PCDHA5: variants seen among roughly 807,000 people sequenced by gnomAD.
PCDHA5 encodes the protein protocadherin alpha-5.
A neutral mutation model predicts 61.6 loss-of-function variants in PCDHA5; 43 were observed. That is an observed-to-expected ratio of 0.70 (90% CI 0.55 to 0.90). The LOEUF is 0.90. PCDHA5 is among the 40% of genes least tolerant of loss of function. The pLI, the probability that PCDHA5 is intolerant of heterozygous loss-of-function variation, is 0.00. For missense variants in PCDHA5, 1,298 were observed against 1,222.7 expected, an observed-to-expected ratio of 1.06 and a Z score of -0.92; for synonymous variants, 627 against 543.9, an observed-to-expected ratio of 1.15 and a Z score of -2.13.
chr5:140,823,034 A>T lies in PCDHA5; in HGVS notation c.1259A>T (p.Tyr420Phe), dbSNP rs199730763. 3.0e-5 allele frequency: 48 copies of T among 1,614,070 alleles called. No homozygotes were observed. The highest frequency in any genetic ancestry group is 8.5e-7 in the Non-Finnish European group (1 of 1,180,050). ...SALDRESVSVYELVVTARDGG... is the reference protein window; with the variant it reads ...SALDRESVSVFELVVTARDGG... ...CTGGACCGCGAGAGCGTGTCGGTCT[A>T]TGAGCTGGTGGTGACCGCGCGGGAC... is the stretch of plus-strand genomic sequence containing the variant. The change falls in exon 1 of 4, where the codon TAT (tyrosine) becomes TTT (phenylalanine). Residue 420 changes from tyrosine to phenylalanine, a missense_variant. Coordinates refer to ENST00000529859, the MANE Select transcript of PCDHA5 (RefSeq NM_018908.3).
chr5:140,843,248 C>G, intron 1 of PCDHA5: 1 of 1,596,046 alleles, frequency 6.3e-7, no homozygotes, highest in Non-Finnish European at 8.6e-7. Context: ...AGCGGACTCT[C>G]CGCGCCACCG....
At chr5:140,906,693 G>T (rs887867103) in intron 1 of PCDHA5, among the ~76,000 whole-genome samples, 3 of 152,082 alleles carry the variant, frequency 2.0e-5, no homozygotes, top group African/African-American at 7.2e-5. Flanking sequence ...GAAGGATCTG[G>T]GCCATTTGTA....
intron 1 of PCDHA5, chr5:140,871,303 G>T: frequency 6.2e-7 from 1 of 1,613,972 alleles, no homozygotes; most frequent in Non-Finnish European, 8.5e-7. Flanking sequence ...GTGCGCGCCG[G>T]GGAAGCCCAC....
In PCDHA5 at chr5:141,002,410, T is replaced by C. The variant is rs1034024595; in HGVS notation, c.2501-7217T>C. 2.2e-4 allele frequency among the ~76,000 whole-genome samples: 33 copies of C among 152,326 alleles called. 1 individual carries two copies. The highest frequency in any genetic ancestry group is 7.5e-4 in the African/African-American group (31 of 41,578). On this transcript the variant is annotated intron_variant, in intron 3 of 3. Coordinates refer to ENST00000529859, the MANE Select transcript of PCDHA5 (RefSeq NM_018908.3). The stretch of plus-strand genomic sequence containing the variant: ...TGCTGGCATCTCTGTGCCTCCCAAA[T>C]AGTAGTAACAAAACAGGCAATAACC...
At chr5:140,965,103 A>G (rs1453303865) in intron 1 of PCDHA5, among the ~76,000 whole-genome samples, 1 of 152,234 alleles carries the variant, frequency 6.6e-6, no homozygotes, top group Non-Finnish European at 1.5e-5. Context: ...TAGCTAGAAA[A>G]TGACCCATAG....
At chr5:140,908,578 G>C (rs2074039304) in intron 1 of PCDHA5, among the ~76,000 whole-genome samples, 1 of 152,196 alleles carries the variant, frequency 6.6e-6, no homozygotes, top group South Asian at 2.1e-4. Flanking sequence ...CAAAAGGAGA[G>C]TAGTTAGCTG....
chr5:140,863,553 A>C, intron 1 of PCDHA5: 2 of 378,210 alleles, frequency 5.3e-6, no homozygotes, highest in South Asian at 4.1e-5. Context: ...TTCAATAGGA[A>C]ATTTTTGAGA....
intron 1 of PCDHA5, among the ~76,000 whole-genome samples, chr5:140,917,447 A>T (rs155358): frequency 0.58 from 87,947 of 151,944 alleles, 26,404 homozygotes; most frequent in African/African-American, 0.75. Flanking sequence ...TTGCTGCAAG[A>T]GCGTTTGGCA....
At chr5:140,963,032 T>G (rs541613535) in intron 1 of PCDHA5, among the ~76,000 whole-genome samples, 2 of 152,172 alleles carry the variant, frequency 1.3e-5, no homozygotes, top group African/African-American at 2.4e-5. Flanking sequence ...CAATTAACAT[T>G]TATTGAGAGT....
intron 1 of PCDHA5, chr5:140,850,781 G>A: frequency 6.3e-7 from 1 of 1,598,212 alleles, no homozygotes; most frequent in East Asian, 2.2e-5. Context: ...GCTCTGGCGA[G>A]GGTAAGCAGA....
chr5:140,830,663 G>T (rs114741049), intron 1 of PCDHA5: 3 of 406,220 alleles, frequency 7.4e-6, no homozygotes, highest in Non-Finnish European at 1.2e-5. Context: ...CATAATTTAA[G>T]TGAAATTAGA....
chr5:140,929,308 G>A, intron 1 of PCDHA5: 3 of 1,569,682 alleles, frequency 1.9e-6, no homozygotes, highest in East Asian at 2.3e-5. Context: ...AGGGGATCAC[G>A]CTAATGTCAA....
chr5:140,852,598 AT>A, intron 1 of PCDHA5: 1 of 898,436 alleles, frequency 1.1e-6, no homozygotes, highest in Non-Finnish European at 1.3e-6. Context: ...TTTTTTTGTC[AT>A]TTTCTTTCAA....
At chr5:140,840,486 A>G (rs1263185469) in intron 1 of PCDHA5, among the ~76,000 whole-genome samples, 5 of 152,034 alleles carry the variant, frequency 3.3e-5, no homozygotes, top group Admixed American at 3.3e-4. Context: ...TAAAGGCATA[A>G]TTCTGGTAAA....
At chr5:140,851,302 A>G (rs2042019677) in intron 1 of PCDHA5, 4 of 1,013,018 alleles carry the variant, frequency 3.9e-6, no homozygotes, top group Non-Finnish European at 3.7e-6. Context: ...AAAAATATAT[A>G]GCAATTGTTA....
At chr5:140,841,264 T>C (rs1777117018) in intron 1 of PCDHA5, 1 of 1,522,190 alleles carries the variant, frequency 6.6e-7, no homozygotes, top group Admixed American at 2.2e-5. Context: ...ACTCTGAAAG[T>C]ACAGTCGTTC....
At chr5:140,922,181 A>G (rs2080696715) in intron 1 of PCDHA5, among the ~76,000 whole-genome samples, 1 of 152,324 alleles carries the variant, frequency 6.6e-6, no homozygotes, top group South Asian at 2.1e-4. Context: ...GCAGACAAAA[A>G]AAAAGTCTTA....
At chr5:140,856,459 A>G (rs566691333) in intron 1 of PCDHA5, 2 of 1,598,380 alleles carry the variant, frequency 1.3e-6, no homozygotes, top group South Asian at 2.2e-5. Flanking sequence ...TAACAGAACA[A>G]AAGCTCTCAA....
At chr5:140,833,540 G>A (rs1050312337) in intron 1 of PCDHA5, among the ~76,000 whole-genome samples, 6 of 152,094 alleles carry the variant, frequency 3.9e-5, no homozygotes, top group African/African-American at 1.4e-4. Flanking sequence ...GTGTTCGAAA[G>A]GATAGAATGA....
Sources: gnomAD v4.1 joint callset for allele counts (sites outside exome capture counted in the v4.1 genomes callset) on GRCh38, gnomAD v4.1.1 for gene constraint, MANE v1.5 for transcripts, NCBI Gene and HGNC (gene_info 2026-07-23, HGNC 2026-07-21) for gene names.